PRKCH: variants seen among roughly 807,000 people sequenced by gnomAD.
PRKCH encodes the protein protein kinase C eta, also known as protein kinase C eta type.
PRKCH carries 28 observed loss-of-function variants against 82.5 expected under a neutral mutation model. The observed-to-expected ratio is 0.34, with a 90% CI of 0.25 to 0.47. The LOEUF (loss-of-function observed/expected upper bound fraction) is 0.47, where lower values mean the gene tolerates loss of function less well. Ranked by LOEUF, PRKCH falls within the 20% of genes least tolerant of loss-of-function variation. The pLI is 1.00. For missense variants in PRKCH, 705 were observed against 881.8 expected (o/e 0.80, Z 2.54); for synonymous variants, 322 against 327.4 (o/e 0.98, Z 0.18).
At chr14:61,543,545 T>C (rs986223704) in intron 12 of PRKCH, 2 of 152,218 alleles carry the variant, frequency 1.3e-5, no homozygotes, top group African/African-American at 4.8e-5. Flanking sequence ...TAGAAAACAT[T>C]CTGCTTCCTT....
intron 1 of PRKCH, among the ~76,000 whole-genome samples, chr14:61,230,505 G>A (rs1280101898): frequency 6.6e-6 from 1 of 152,166 alleles, no homozygotes; most frequent in Non-Finnish European, 1.5e-5. Flanking sequence ...ATACCTGAAA[G>A]CCATTTGGGA....
chr14:61,494,721 T>G (rs1469633488), intron 10 of PRKCH, among the ~76,000 whole-genome samples: 2 of 152,260 alleles, frequency 1.3e-5, no homozygotes, highest in African/African-American at 2.4e-5. Context: ...TCCATAGGCA[T>G]AGGCAGCAAT....
At chr14:61,287,343 C>A (rs2045324566) in intron 1 of PRKCH, among the ~76,000 whole-genome samples, 1 of 149,968 alleles carries the variant, frequency 6.7e-6, no homozygotes, top group Admixed American at 6.7e-5. Flanking sequence ...AGGCAGAGGA[C>A]AAGTTAGGTG....
At chr14:61,457,784 G>T (rs1884847255) in intron 9 of PRKCH, 105 bp downstream of exon 9, 9 of 1,466,696 alleles carry the variant, frequency 6.1e-6, no homozygotes, top group Non-Finnish European at 7.4e-6. Context: ...AATTTTGGGG[G>T]ATGGGCTCCC....
At chr14:61,487,291 G>A (rs1886267173) in intron 10 of PRKCH, among the ~76,000 whole-genome samples, 1 of 152,192 alleles carries the variant, frequency 6.6e-6, no homozygotes, top group African/African-American at 2.4e-5. Context: ...AAGGACAGTG[G>A]GAGCCACCTG....
intron 10 of PRKCH, among the ~76,000 whole-genome samples, chr14:61,521,592 G>C (rs1245568004): frequency 6.6e-6 from 1 of 150,692 alleles, no homozygotes; most frequent in Non-Finnish European, 1.5e-5. Flanking sequence ...TTTTAAGATA[G>C]AGTTTCACTC....
chr14:61,450,974 G>A lies in PRKCH; in HGVS notation c.832+3G>A. Reference sequence around the variant, plus strand: ...GCGACAAGGACTTCAGTGTAAAAGTGAGATGCTGAGGTGCTGGGTACCCAC... The same window carrying A: ...GCGACAAGGACTTCAGTGTAAAAGTAAGATGCTGAGGTGCTGGGTACCCAC... On this transcript the variant is annotated splice_donor_region_variant and intron_variant, in intron 6 of 13. Transcript: ENST00000332981. 6.2e-7 allele frequency: 1 copy of A among 1,613,672 alleles called. No individual in the cohort carries two copies. The highest frequency in any genetic ancestry group is 8.5e-7 in the Non-Finnish European group (1 of 1,179,784).
At chr14:61,187,562 A>G (rs1389673338) in exon 1 of PRKCH, 1 of 152,400 alleles carries the variant, frequency 6.6e-6, no homozygotes, top group Non-Finnish European at 1.5e-5. Flanking sequence ...CCTCTTCAGA[A>G]CTCTGCATGC....
chr14:61,420,084 C>G (rs1488557960), intron 2 of PRKCH, among the ~76,000 whole-genome samples: 1 of 152,218 alleles, frequency 6.6e-6, no homozygotes, highest in Non-Finnish European at 1.5e-5. Flanking sequence ...CAGCCTCTTT[C>G]AACCAGACTG....
chr14:61,546,255 G>C (rs1039103984), intron 12 of PRKCH, among the ~76,000 whole-genome samples: 1 of 152,164 alleles, frequency 6.6e-6, no homozygotes, highest in African/African-American at 2.4e-5. Flanking sequence ...TGCATCTCCT[G>C]AATCCTGGGT....
At chr14:61,358,256 A>G (rs1483509908) in intron 1 of PRKCH, among the ~76,000 whole-genome samples, 1 of 152,210 alleles carries the variant, frequency 6.6e-6, no homozygotes, top group Non-Finnish European at 1.5e-5. Context: ...GCATTTGTAC[A>G]GTGCCTGGCT....
intron 1 of PRKCH, among the ~76,000 whole-genome samples, chr14:61,342,134 C>G (rs2095050011): frequency 6.6e-6 from 1 of 151,958 alleles, no homozygotes; most frequent in African/African-American, 2.4e-5. Flanking sequence ...AAGGGCAGAG[C>G]CTTTCCTACG....
At chr14:61,333,769 T>C (rs1323196199) in intron 1 of PRKCH, among the ~76,000 whole-genome samples, 1 of 152,212 alleles carries the variant, frequency 6.6e-6, no homozygotes, top group East Asian at 1.9e-4. Context: ...ATATAAACTT[T>C]TCCCTTGTAA....
intron 1 of PRKCH, among the ~76,000 whole-genome samples, chr14:61,354,711 T>C (rs61990672): frequency 1.3e-5 from 2 of 152,250 alleles, no homozygotes; most frequent in African/African-American, 2.4e-5. Context: ...AATCCCACTT[T>C]GCCAATGAGG....
rs1403451719 is a variant in PRKCH, at chr14:61,528,966, GGCCGCA to G, written c.1434-108_1434-103del. ...ACAGGAAGCTCATGCGGCCGCATGT[GGCCGCA>G]CGTGTGTGTGTGTGTGTGTGTGTGT... On this transcript the variant is annotated intron_variant, in intron 10 of 13. Transcript: ENST00000332981. 67 of 1,076,128 alleles carry G rather than the reference GGCCGCA, an allele frequency of 6.2e-5. 1 individual carries two copies. The highest frequency in any genetic ancestry group is 2.6e-4 in the South Asian group (14 of 54,510). The allele number at this position is 1,076,128 out of a possible 1,614,324, so 66.7% of individuals were successfully genotyped here.
intron 2 of PRKCH, among the ~76,000 whole-genome samples, chr14:61,404,496 G>A (rs1881835310): frequency 9.7e-6 from 1 of 103,358 alleles, no homozygotes; most frequent in Non-Finnish European, 1.7e-5. Context: ...GAGTATTTAT[G>A]TAGAAAACTA....
intron 2 of PRKCH, among the ~76,000 whole-genome samples, chr14:61,413,409 C>G (rs1247730061): frequency 4.4e-5 from 3 of 68,670 alleles, no homozygotes; most frequent in South Asian, 9.4e-4. Flanking sequence ...AAGCGCCCCC[C>G]CCCCGCCCCG....
intron 12 of PRKCH, among the ~76,000 whole-genome samples, chr14:61,547,467 A>G (rs1357760236): frequency 2.0e-5 from 3 of 152,194 alleles, no homozygotes; most frequent in Admixed American, 1.3e-4. Flanking sequence ...AGAAAAATAC[A>G]TGGTGTTTAC....
At chr14:61,409,441 A>C (rs1379251686) in intron 2 of PRKCH, among the ~76,000 whole-genome samples, 2 of 152,098 alleles carry the variant, frequency 1.3e-5, no homozygotes, top group African/African-American at 2.4e-5. Context: ...TCATACCTGT[A>C]ATCCTAATAC....
Sources: gnomAD v4.1 joint callset for allele counts (sites outside exome capture counted in the v4.1 genomes callset) on GRCh38, gnomAD v4.1.1 for gene constraint, MANE v1.5 for transcripts, NCBI Gene and HGNC (gene_info 2026-07-23, HGNC 2026-07-21) for gene names.